The following ZNF30 variants were observed in gnomAD, a reference collection of about 807,000 sequenced individuals.
ZNF30 encodes zinc finger protein 30.
ZNF30 carries 15 observed loss-of-function variants against 13.2 expected under a neutral mutation model. The ratio of observed to expected loss-of-function variants is 1.13; its 90% CI spans 0.76 to 1.75. ZNF30 has a LOEUF of 1.75. ZNF30 is among the 40% of genes most tolerant of loss of function. The pLI, the probability that ZNF30 is intolerant of heterozygous loss-of-function variation, is 0.00. For synonymous variants in ZNF30, 223 were observed against 256.6 expected (o/e 0.87, Z 1.25); for missense variants, 726 against 757.0 (o/e 0.96, Z 0.48).
intron 4 of ZNF30, chr19:34,942,479 C>CCAG (rs1445135072): frequency 2.8e-6 from 1 of 353,206 alleles, no homozygotes; most frequent in African/African-American, 2.2e-5. Context: ...AAAAAGAAAA[C>CCAG]CAGTAGGAAA....
Position 34,933,720 on chromosome 19 carries a change from A to G in ZNF30, c.253A>G (p.Thr85Ala), listed in dbSNP as rs370647081. Reference sequence around the variant, plus strand: ...GAGGAAAGATGGAAGAAGATGGTGCACAGGTGAGTAAGAGCATGGCAGGTA... The same window carrying G: ...GAGGAAAGATGGAAGAAGATGGTGCGCAGGTGAGTAAGAGCATGGCAGGTA... ...TVRKDGRRWC[T>A]DLQLEDDTIG... The change falls in exon 4 of 5, where the codon ACA (threonine) becomes GCA (alanine). Residue 85 changes from threonine (T) to alanine (A), a missense_variant. Transcript: ENST00000601142. The G allele has an allele frequency of 6.3e-6, 10 of 1,577,760 alleles. No individual in the cohort carries two copies. In the African/African-American group the frequency reaches 1.2e-4, roughly 19 times the overall value.
intron 1 of ZNF30, among the ~76,000 whole-genome samples, 172 bp from the exon 2 acceptor site, chr19:34,929,712 G>A (rs1489567609): frequency 2.6e-5 from 4 of 152,208 alleles, no homozygotes; most frequent in Non-Finnish European, 5.9e-5. Flanking sequence ...ACACCTCTGC[G>A]ATCAACTCTG....
intron 2 of ZNF30, among the ~76,000 whole-genome samples, chr19:34,930,215 G>A (rs1230445934): frequency 6.6e-6 from 1 of 152,192 alleles, no homozygotes; most frequent in Non-Finnish European, 1.5e-5. Context: ...AGCAGTGGAG[G>A]ATTGAAGTCC....
intron 4 of ZNF30, among the ~76,000 whole-genome samples, chr19:34,941,840 A>T (rs1223676645): frequency 6.6e-6 from 1 of 151,852 alleles, no homozygotes; most frequent in African/African-American, 2.4e-5. Context: ...AAAAGGTGGT[A>T]AACAGTTTTG....
At chr19:34,931,712 A>T (rs868418076) in intron 2 of ZNF30, 131 bp from the exon 3 acceptor site, 2 of 820,804 alleles carry the variant, frequency 2.4e-6, no homozygotes, top group Middle Eastern at 4.5e-4. Flanking sequence ...ACATGCAGAT[A>T]CCATGCTCAT....
At chr19:34,942,841 G>A in intron 4 of ZNF30, among the ~76,000 whole-genome samples, 1 of 152,104 alleles carries the variant, frequency 6.6e-6, no homozygotes, top group Non-Finnish European at 1.5e-5. Context: ...CCCCTAGAAG[G>A]AACAATAAAA....
rs868004764 is a variant in ZNF30 at position 34,944,995 on chromosome 19, C to T, written c.*157C>T. On this transcript the variant is annotated 3_prime_UTR_variant, in exon 5 of 5. Coordinates refer to ENST00000601142, the MANE Select transcript of ZNF30 (RefSeq NM_194325.3). ...ATAACTCAGAAAACATAAGAATATT[C>T]CTTTGTCATTTATAGGTTTGTAATA... The T allele has an allele frequency of 3.5e-4, 256 of 729,390 alleles. 1 individual carries two copies. The highest frequency in any genetic ancestry group is 2.9e-3 in the African/African-American group (163 of 56,866). 45.2% of individuals were successfully genotyped at this position (729,390 alleles called of 1,614,324 possible).
At chr19:34,941,811 A>G (rs2013062814) in intron 4 of ZNF30, among the ~76,000 whole-genome samples, 2 of 152,212 alleles carry the variant, frequency 1.3e-5, no homozygotes, top group South Asian at 4.1e-4. Context: ...GGGCTTATCA[A>G]ATAATATGGC....
chr19:34,933,078 T>C (rs1482937146), intron 3 of ZNF30, among the ~76,000 whole-genome samples: 2 of 137,350 alleles, frequency 1.5e-5, no homozygotes, highest in East Asian at 4.2e-4. Flanking sequence ...CCGGGCCTGG[T>C]TTTTTATCAA....
chr19:34,933,843 GA>G, intron 4 of ZNF30, 120 bp downstream of exon 4: 11 of 614,270 alleles, frequency 1.8e-5, no homozygotes, highest in East Asian at 3.0e-5. Context: ...GGCCTGGGTG[GA>G]AAAAGGCTGA....
chr19:34,941,050 C>G (rs577291966), intron 4 of ZNF30, among the ~76,000 whole-genome samples: 2 of 152,150 alleles, frequency 1.3e-5, no homozygotes, highest in African/African-American at 4.8e-5. Flanking sequence ...TTGAAAGGCA[C>G]GGTACTTTTT....
chr19:34,943,297 C>T lies in ZNF30; in HGVS notation c.331C>T (p.His111Tyr), dbSNP rs2013139133. Residue 111 changes from histidine (H) to tyrosine (Y), a missense_variant, in exon 5 of 5, where the codon CAT (histidine) becomes TAT (tyrosine). His to Tyr is a moderately conservative substitution (Grantham distance 83). Transcript: ENST00000601142. ...TGAAAACTGTCCATCTTTTGCTCTA[C>T]ATCAGAAAATAAGTAGACAGAAACC... Reference protein sequence around the residue: ...TSENCPSFALHQKISRQKPRE... With the variant: ...TSENCPSFALYQKISRQKPRE... The T allele has an allele frequency of 1.1e-5, 17 of 1,613,638 alleles. No individual in the cohort carries two copies. Among genetic ancestry groups the T allele is most frequent in the African/African-American group, 2.7e-5 (2 of 74,892 alleles).
Position 34,943,426 on chromosome 19 carries a change from G to C in ZNF30, c.460G>C (p.Gly154Arg), listed in dbSNP as rs1041773689. 2.5e-6 allele frequency: 4 copies of C among 1,613,736 alleles called. No homozygotes were observed. The African/African-American group carries it at 5.3e-5, about 22-fold the overall frequency. Reference sequence around the variant, plus strand: ...AAAACCCAACAGATGTAAAGAATGTGGGAAGAACTTTAGTAATGGACATCA... The same window carrying C: ...AAAACCCAACAGATGTAAAGAATGTCGGAAGAACTTTAGTAATGGACATCA... ...SEKPNRCKEC[G>R]KNFSNGHQLT... is the part of the protein sequence containing the mutation. Residue 154 changes from glycine (G) to arginine (R), a missense_variant, in exon 5 of 5, where the codon GGG becomes CGG. Gly to Arg is a moderately radical substitution (Grantham distance 125). Transcript: ENST00000601142.
chr19:34,924,057 G>GT (rs1471501932), upstream of ZNF30, among the ~76,000 whole-genome samples: 3 of 152,114 alleles, frequency 2.0e-5, no homozygotes, highest in African/African-American at 7.2e-5. Flanking sequence ...TGTAGGGTTT[G>GT]TGAGTATCCT....
At chr19:34,928,830 A>T (rs145110072) in intron 1 of ZNF30, among the ~76,000 whole-genome samples, 2 of 152,302 alleles carry the variant, frequency 1.3e-5, no homozygotes, top group East Asian at 3.9e-4. Flanking sequence ...AAACAAACAG[A>T]AAAATAAAAA....
At position 34,943,852 on chromosome 19, in the gene ZNF30, G is replaced by C. The variant is rs1313477034; in HGVS notation, c.886G>C (p.Ala296Pro). ...TTACGAATGCAAAGAATGTGGGAAG[G>C]CCTTTAGCACTAGCTCACCCCTTGC... ...KPYECKECGKAFSTSSPLAKH... is the reference protein window; with the variant it reads ...KPYECKECGKPFSTSSPLAKH... Residue 296 changes from alanine (A) to proline (P), a missense_variant, in exon 5 of 5, where the codon GCC (alanine) becomes CCC (proline). By Grantham distance (27) the Ala-to-Pro change is conservative. Transcript: ENST00000601142. The C allele has an allele frequency of 1.2e-6, 2 of 1,614,098 alleles. No individual in the cohort carries two copies. The highest frequency in any genetic ancestry group is 8.5e-7 in the Non-Finnish European group (1 of 1,180,004).
chr19:34,932,869 C>T (rs1398378405), intron 3 of ZNF30, among the ~76,000 whole-genome samples: 1 of 151,572 alleles, frequency 6.6e-6, no homozygotes, highest in African/African-American at 2.4e-5. Flanking sequence ...CAACCTCCAC[C>T]TCCCAGGTTC....
At chr19:34,934,529 TA>T (rs535167291) in intron 4 of ZNF30, among the ~76,000 whole-genome samples, 75 of 152,312 alleles carry the variant, frequency 4.9e-4, no homozygotes, top group Non-Finnish European at 9.1e-4. Context: ...CCTCCCAAAG[TA>T]CTGAGATTAC....
chr19:34,932,597 A>G (rs2012509819), intron 3 of ZNF30, among the ~76,000 whole-genome samples: 1 of 152,122 alleles, frequency 6.6e-6, no homozygotes, highest in Non-Finnish European at 1.5e-5. Flanking sequence ...ATTTGTATTA[A>G]CTGATTTTTA....
Sources: gnomAD v4.1 joint callset for allele counts (sites outside exome capture counted in the v4.1 genomes callset) on GRCh38, gnomAD v4.1.1 for gene constraint, MANE v1.5 for transcripts, NCBI Gene and HGNC (gene_info 2026-07-23, HGNC 2026-07-21) for gene names.